The following EEF1AKMT1 variants were observed in gnomAD, a reference collection of about 807,000 sequenced individuals.
EEF1AKMT1 encodes the protein EEF1A lysine methyltransferase 1.
EEF1AKMT1 carries 18 observed loss-of-function variants against 21.0 expected under a neutral mutation model. That is an observed-to-expected ratio of 0.86 (90% CI 0.59 to 1.27). The LOEUF (loss-of-function observed/expected upper bound fraction) is 1.27, where lower values mean the gene tolerates loss of function less well. Ranked by LOEUF, EEF1AKMT1 falls within the 50% of genes most tolerant of loss-of-function variation. EEF1AKMT1 has a pLI of 0.00. For synonymous variants in EEF1AKMT1, 109 were observed against 94.8 expected, an observed-to-expected ratio of 1.15 and a Z score of -0.87; for missense variants, 246 against 258.6, an observed-to-expected ratio of 0.95 and a Z score of 0.33.
chr13:20,739,970 C>T (rs993561698), intron 2 of EEF1AKMT1, among the ~76,000 whole-genome samples: 2 of 152,238 alleles, frequency 1.3e-5, no homozygotes, highest in Non-Finnish European at 2.9e-5. Context: ...GACTGGGCCC[C>T]GCAGAGAAGG....
rs376542108 is a variant in EEF1AKMT1, at chr13:20,766,110, C to T, written c.-20+7811G>A. Among the ~76,000 whole-genome samples the T allele has an allele frequency of 4.6e-5, 7 of 151,326 alleles. No homozygotes were observed. The East Asian group carries it at 5.9e-4, about 13-fold the overall frequency. ...GTTAGGAGTTCAAGACCAGCCTGGC[C>T]AACATGGTGAAACCCCATCTCTACT... On this transcript the variant is annotated intron_variant, in intron 1 of 4. Coordinates refer to ENST00000382758, the MANE Select transcript of EEF1AKMT1 (RefSeq NM_001318939.2).
At chr13:20,734,616 C>T (rs891944363) in intron 3 of EEF1AKMT1, among the ~76,000 whole-genome samples, 4 of 100,692 alleles carry the variant, frequency 4.0e-5, no homozygotes, top group Non-Finnish European at 6.5e-5. Flanking sequence ...TTATTTGAGA[C>T]GGAGTCTCGC....
intron 4 of EEF1AKMT1, 117 bp from the exon 5 acceptor site, chr13:20,729,333 C>G (rs1357228871): frequency 1.2e-5 from 14 of 1,163,408 alleles, no homozygotes; most frequent in Non-Finnish European, 1.7e-5. Flanking sequence ...TGACAATTCA[C>G]AAGTGGGGGG....
chr13:20,748,715 G>GTT (rs796299437), intron 2 of EEF1AKMT1, among the ~76,000 whole-genome samples: 9,916 of 105,594 alleles, frequency 0.094, 552 homozygotes, highest in Non-Finnish European at 0.14. Flanking sequence ...ATGTATAGTT[G>GTT]TTTTTTTTTG....
At chr13:20,754,496 C>G (rs2058960353) in intron 2 of EEF1AKMT1, among the ~76,000 whole-genome samples, 1 of 152,092 alleles carries the variant, frequency 6.6e-6, no homozygotes, top group African/African-American at 2.4e-5. Context: ...TTGGGAATCT[C>G]TAAGCTTCCT....
intron 3 of EEF1AKMT1, among the ~76,000 whole-genome samples, 189 bp downstream of exon 3, chr13:20,737,534 A>G (rs1216256777): frequency 6.6e-6 from 1 of 152,258 alleles, no homozygotes; most frequent in African/African-American, 2.4e-5. Flanking sequence ...AAGACATTCC[A>G]CAATGAATAG....
chr13:20,738,874 G>A (rs1022900575), intron 2 of EEF1AKMT1, among the ~76,000 whole-genome samples: 12 of 151,858 alleles, frequency 7.9e-5, no homozygotes, highest in African/African-American at 2.9e-4. Flanking sequence ...TCTTTTAGAC[G>A]CAACGAAAAT....
chr13:20,770,695 T>C (rs2059058100), intron 1 of EEF1AKMT1, among the ~76,000 whole-genome samples: 1 of 152,066 alleles, frequency 6.6e-6, no homozygotes, highest in Admixed American at 6.5e-5. Context: ...ATCAGGCAAC[T>C]AGTAAAAGCC....
intron 2 of EEF1AKMT1, among the ~76,000 whole-genome samples, chr13:20,745,515 C>A: frequency 6.6e-6 from 1 of 152,134 alleles, no homozygotes; most frequent in Admixed American, 6.5e-5. Context: ...AAAGGTTTAT[C>A]TGGATGGTCT....
In EEF1AKMT1 at chr13:20,757,558, G is replaced by A. The variant is rs773665610; in HGVS notation, c.41C>T (p.Ala14Val). ...TTCCTGGAGAGCTGCTAAGGCATGG[G>A]CAGAAAGCTGGGGTGTCTCATCATC... The part of the protein sequence containing the change: ...LEDDETPQLS[A>V]HALAALQEFY... The change falls in exon 2 of 5, where the codon GCC (alanine) becomes GTC (valine). Residue 14 changes from alanine (A) to valine (V), a missense_variant. Ala to Val is a moderately conservative substitution (Grantham distance 64). Transcript: ENST00000382758. The A allele has an allele frequency of 6.2e-7, 1 of 1,614,048 alleles. No individual in the cohort carries two copies. The highest frequency in any genetic ancestry group is 2.2e-5 in the East Asian group (1 of 44,886).
At chr13:20,743,495 TTC>T (rs2058884295) in intron 2 of EEF1AKMT1, among the ~76,000 whole-genome samples, 1 of 151,544 alleles carries the variant, frequency 6.6e-6, no homozygotes, top group South Asian at 2.1e-4. Context: ...ATCTGTCACT[TTC>T]TCTCAGTGGG....
At chr13:20,765,297 A>C (rs930174920) in intron 1 of EEF1AKMT1, among the ~76,000 whole-genome samples, 34 of 151,192 alleles carry the variant, frequency 2.2e-4, no homozygotes, top group African/African-American at 7.5e-4. Flanking sequence ...CTAAATCCTT[A>C]CTGATAAGCT....
chr13:20,765,825 C>T (rs899168799), intron 1 of EEF1AKMT1, among the ~76,000 whole-genome samples: 1 of 151,412 alleles, frequency 6.6e-6, no homozygotes, highest in Admixed American at 6.6e-5. Flanking sequence ...AACATTTCAA[C>T]AGGCACTTTA....
chr13:20,738,629 A>G (rs1193471048), intron 2 of EEF1AKMT1, among the ~76,000 whole-genome samples: 2 of 152,232 alleles, frequency 1.3e-5, no homozygotes, highest in African/African-American at 4.8e-5. Context: ...GTACACCCCT[A>G]CAATGAAATA....
chr13:20,736,188 G>C (rs766870388), intron 3 of EEF1AKMT1, among the ~76,000 whole-genome samples: 2 of 152,148 alleles, frequency 1.3e-5, no homozygotes, highest in Non-Finnish European at 2.9e-5. Flanking sequence ...AAAATCCTAA[G>C]CTTGCTGTGG....
chr13:20,764,910 CA>C (rs1352015008), intron 1 of EEF1AKMT1, among the ~76,000 whole-genome samples: 11 of 150,640 alleles, frequency 7.3e-5, no homozygotes, highest in Middle Eastern at 3.6e-3. Context: ...CACACACACA[CA>C]CACACACCCT....
At chr13:20,742,337 A>T (rs780304606) in intron 2 of EEF1AKMT1, among the ~76,000 whole-genome samples, 2 of 151,300 alleles carry the variant, frequency 1.3e-5, no homozygotes, top group Admixed American at 6.6e-5. Flanking sequence ...TTTGTAGAAG[A>T]TCTTTATACA....
At chr13:20,766,388 A>G (rs1360654627) in intron 1 of EEF1AKMT1, among the ~76,000 whole-genome samples, 1 of 152,114 alleles carries the variant, frequency 6.6e-6, no homozygotes, top group Non-Finnish European at 1.5e-5. Context: ...ATGTCCAACC[A>G]TTAGACAGTA....
chr13:20,766,617 T>G (rs2059034545), intron 1 of EEF1AKMT1, among the ~76,000 whole-genome samples: 1 of 151,510 alleles, frequency 6.6e-6, no homozygotes, highest in African/African-American at 2.4e-5. Flanking sequence ...AAGTCAGGAG[T>G]TTGAGACTAG....
Sources: allele counts gnomAD v4.1 joint callset (sites outside exome capture counted in the v4.1 genomes callset), GRCh38; gene constraint gnomAD v4.1.1; transcripts MANE v1.5; gene names NCBI Gene and HGNC (gene_info 2026-07-23, HGNC 2026-07-21).